UNC13C: variants seen among roughly 807,000 people sequenced by gnomAD.
UNC13C encodes unc-13 homolog C.
UNC13C carries 174 observed loss-of-function variants against 245.4 expected under a neutral mutation model. The ratio of observed to expected loss-of-function variants is 0.71; its 90% CI spans 0.63 to 0.80. The LOEUF (loss-of-function observed/expected upper bound fraction) is 0.80. UNC13C is among the 30% of genes least tolerant of loss of function. The pLI is 0.00. For synonymous variants in UNC13C, 992 were observed against 895.1 expected, an observed-to-expected ratio of 1.11 and a Z score of -1.93; for missense variants, 2,829 against 2,602.9, an observed-to-expected ratio of 1.09 and a Z score of -1.89.
intron 26 of UNC13C, among the ~76,000 whole-genome samples, chr15:54,533,500 G>A (rs983842948): frequency 6.6e-6 from 1 of 152,208 alleles, no homozygotes; most frequent in African/African-American, 2.4e-5. Context: ...TAGCTCAGAG[G>A]CAAGCAGATA....
intron 30 of UNC13C, among the ~76,000 whole-genome samples, chr15:54,574,848 C>T (rs1024416988): frequency 6.6e-6 from 1 of 151,918 alleles, no homozygotes; most frequent in African/African-American, 2.4e-5. Flanking sequence ...TAACCTGTAT[C>T]CTGCTGAAGT....
At chr15:54,268,729 ATT>A (rs2036609884) in intron 10 of UNC13C, among the ~76,000 whole-genome samples, 2 of 151,582 alleles carry the variant, frequency 1.3e-5, no homozygotes, top group South Asian at 4.1e-4. Context: ...TAACTCATGA[ATT>A]AGGAGGTTTT....
chr15:54,608,640 T>C (rs1413887502), intron 30 of UNC13C, among the ~76,000 whole-genome samples: 2 of 152,218 alleles, frequency 1.3e-5, no homozygotes, highest in Non-Finnish European at 2.9e-5. Context: ...TTTTTATATA[T>C]TTCAGATTCC....
At chr15:54,263,665 C>A (rs1275731585) in intron 8 of UNC13C, among the ~76,000 whole-genome samples, 1 of 151,626 alleles carries the variant, frequency 6.6e-6, no homozygotes, top group Non-Finnish European at 1.5e-5. Flanking sequence ...CTTCTTTAAA[C>A]AGCTCAATCA....
intron 1 of UNC13C, among the ~76,000 whole-genome samples, chr15:53,988,170 A>G (rs1034273632): frequency 6.6e-6 from 1 of 151,996 alleles, no homozygotes; most frequent in Non-Finnish European, 1.5e-5. Flanking sequence ...TCACTGCAAA[A>G]CTACTAGAAT....
At chr15:54,248,351 G>C (rs2036051745) in intron 7 of UNC13C, among the ~76,000 whole-genome samples, 1 of 152,058 alleles carries the variant, frequency 6.6e-6, no homozygotes, top group African/African-American at 2.4e-5. Flanking sequence ...CCTCAGCCCA[G>C]TTAGAACGGG....
At chr15:54,256,617 A>G (rs986867733) in intron 8 of UNC13C, among the ~76,000 whole-genome samples, 2 of 152,176 alleles carry the variant, frequency 1.3e-5, no homozygotes, top group African/African-American at 4.8e-5. Flanking sequence ...TACTCACCCC[A>G]TAGTCACTTA....
chr15:54,051,707 G>T (rs1232379418), intron 2 of UNC13C, among the ~76,000 whole-genome samples: 1 of 150,372 alleles, frequency 6.7e-6, no homozygotes, highest in Non-Finnish European at 1.5e-5. Flanking sequence ...GTGTTTTCCA[G>T]GGCCTGAAGA....
chr15:54,218,069 A>G (rs568804204), intron 4 of UNC13C, among the ~76,000 whole-genome samples: 7 of 152,066 alleles, frequency 4.6e-5, no homozygotes, highest in South Asian at 2.1e-4. Flanking sequence ...AAAAATTTGT[A>G]TTATAGTGGA....
intron 26 of UNC13C, among the ~76,000 whole-genome samples, chr15:54,535,534 A>T (rs1895949925): frequency 6.6e-6 from 1 of 152,132 alleles, no homozygotes; most frequent in Non-Finnish European, 1.5e-5. Context: ...ACCCAACAAA[A>T]ACAGAATATA....
the UNC13C span, among the ~76,000 whole-genome samples, chr15:53,851,042 C>T: frequency 5.3e-5 from 8 of 151,734 alleles, no homozygotes; most frequent in East Asian, 1.9e-4. Context: ...TGTTCTCTTT[C>T]GTATCTTCTA....
intron 29 of UNC13C, among the ~76,000 whole-genome samples, chr15:54,557,799 A>G (rs1566908702): frequency 6.6e-6 from 1 of 152,050 alleles, no homozygotes; most frequent in South Asian, 2.1e-4. Context: ...AATGTTTTAC[A>G]TTTTCAAATT....
At chr15:54,505,307 A>C (rs1431715264) in intron 22 of UNC13C, among the ~76,000 whole-genome samples, 1 of 152,154 alleles carries the variant, frequency 6.6e-6, no homozygotes, top group Non-Finnish European at 1.5e-5. Flanking sequence ...TTTTCTCTGA[A>C]GAGTTACCTC....
chr15:54,076,111 A>AT (rs201240549), intron 2 of UNC13C, among the ~76,000 whole-genome samples: 36 of 130,282 alleles, frequency 2.8e-4, no homozygotes, highest in East Asian at 2.4e-3. Flanking sequence ...ATATATATAT[A>AT]TTTTTTTTTA....
chr15:54,624,558 T>C (rs1195018183), intron 32 of UNC13C, among the ~76,000 whole-genome samples: 1 of 152,158 alleles, frequency 6.6e-6, no homozygotes, highest in Non-Finnish European at 1.5e-5. Context: ...GGTGGTCCAC[T>C]GAAGGGTTTT....
intron 2 of UNC13C, among the ~76,000 whole-genome samples, chr15:54,053,699 T>C (rs1405603541): frequency 6.6e-6 from 1 of 152,184 alleles, no homozygotes; most frequent in Admixed American, 6.5e-5. Context: ...TTGACTGTAG[T>C]CCCTTTGTTG....
intron 4 of UNC13C, among the ~76,000 whole-genome samples, chr15:54,186,834 A>AT (rs1455522846): frequency 0.018 from 1,860 of 103,944 alleles, 66 homozygotes; most frequent in Non-Finnish European, 0.032. Context: ...TACAAAGAAC[A>AT]TAATATATAT....
chr15:53,884,258 T>C, the UNC13C span, among the ~76,000 whole-genome samples: 2 of 152,164 alleles, frequency 1.3e-5, no homozygotes, highest in African/African-American at 4.8e-5. Flanking sequence ...GCATGAGAGT[T>C]GTGATCCAGA....
intron 19 of UNC13C, among the ~76,000 whole-genome samples, chr15:54,489,788 T>C (rs1893612209): frequency 6.6e-6 from 1 of 152,228 alleles, no homozygotes; most frequent in Non-Finnish European, 1.5e-5. Context: ...CAAAATCTTA[T>C]GTTTAGTATT....
Sources: gnomAD v4.1 joint callset for allele counts (sites outside exome capture counted in the v4.1 genomes callset) on GRCh38, gnomAD v4.1.1 for gene constraint, MANE v1.5 for transcripts, NCBI Gene and HGNC (gene_info 2026-07-23, HGNC 2026-07-21) for gene names.